Variants in CYB5R4 observed in about 807,000 individuals in gnomAD.
CYB5R4 encodes the protein N-terminal cytochrome b5 and cytochrome b5 oxidoreductase domain-containing protein.
A neutral mutation model predicts 70.2 loss-of-function variants in CYB5R4; 55 were observed. The ratio of observed to expected loss-of-function variants is 0.78; its 90% confidence interval spans 0.63 to 0.98. CYB5R4 has a LOEUF of 0.98. CYB5R4 is among the 50% of genes least tolerant of loss of function. The pLI is 0.00. For synonymous variants in CYB5R4, 197 were observed against 199.5 expected (o/e 0.99, Z 0.11); for missense variants, 562 against 612.6 (o/e 0.92, Z 0.87).
At chr6:83,875,774 A>G (rs1265907020) in intron 2 of CYB5R4, among the ~76,000 whole-genome samples, 1 of 152,200 alleles carries the variant, frequency 6.6e-6, no homozygotes, top group African/African-American at 2.4e-5. Context: ...ACATTTTGCA[A>G]GAATCAATAT....
At chr6:83,922,388 A>C in intron 8 of CYB5R4, 50 bp from the exon 9 acceptor site, 1 of 1,510,264 alleles carries the variant, frequency 6.6e-7, no homozygotes, top group Non-Finnish European at 9.2e-7. Flanking sequence ...GTGTTCAAAA[A>C]CTGTATGAAT....
At chr6:83,934,894 G>T (rs1442289099) in intron 11 of CYB5R4, among the ~76,000 whole-genome samples, 159 bp downstream of exon 11, 1 of 152,200 alleles carries the variant, frequency 6.6e-6, no homozygotes, top group Non-Finnish European at 1.5e-5. Context: ...ACTGCAACGT[G>T]TCCTACATGT....
intron 14 of CYB5R4, among the ~76,000 whole-genome samples, chr6:83,941,183 A>C (rs1463062577): frequency 6.6e-6 from 1 of 152,206 alleles, no homozygotes; most frequent in Non-Finnish European, 1.5e-5. Flanking sequence ...AGTCAAGCTG[A>C]ACTCAGTAGT....
chr6:83,937,436 G>A (rs946162684), intron 12 of CYB5R4, among the ~76,000 whole-genome samples: 1 of 152,142 alleles, frequency 6.6e-6, no homozygotes, highest in Non-Finnish European at 1.5e-5. Flanking sequence ...GAGTTTAAGA[G>A]CAGAAATTGT....
At chr6:83,918,424 ATTAT>A (rs1384436091) in intron 6 of CYB5R4, among the ~76,000 whole-genome samples, 3 of 152,006 alleles carry the variant, frequency 2.0e-5, no homozygotes, top group African/African-American at 7.2e-5. Flanking sequence ...GATGTATACT[ATTAT>A]TTATATTTTC....
intron 14 of CYB5R4, among the ~76,000 whole-genome samples, chr6:83,944,634 G>A (rs1035391037): frequency 6.6e-6 from 1 of 152,136 alleles, no homozygotes; most frequent in African/African-American, 2.4e-5. Flanking sequence ...AAAAGGTACA[G>A]TCTGGCAAAT....
rs373117992 is a variant in CYB5R4, at chr6:83,859,740, C to T, written c.-43C>T. On this transcript the variant is annotated 5_prime_UTR_variant, in exon 1 of 16. Coordinates refer to ENST00000369681, the MANE Select transcript of CYB5R4 (RefSeq NM_016230.4). ...GCCGGAGCTGGAGGTGCTGTCCCGT[C>T]TGGCGGCGATCCCCGGGCAGGGCCC... 4 of 1,603,980 alleles carry T rather than the reference C, an allele frequency of 2.5e-6. No homozygotes were observed. The highest frequency in any genetic ancestry group is 1.7e-5 in the Admixed American group (1 of 59,754).
chr6:83,924,744 C>T, intron 10 of CYB5R4, 152 bp downstream of exon 10: 5 of 771,196 alleles, frequency 6.5e-6, no homozygotes, highest in Non-Finnish European at 1.0e-5. Context: ...TGTGTGTTGT[C>T]CTGCTTTTTT....
intron 2 of CYB5R4, among the ~76,000 whole-genome samples, chr6:83,882,132 C>T (rs1256747679): frequency 2.0e-5 from 3 of 152,106 alleles, no homozygotes. Flanking sequence ...GACTGGTGAA[C>T]AGTCATCTAT....
chr6:83,880,167 A>G (rs1008546016), intron 2 of CYB5R4, among the ~76,000 whole-genome samples: 2 of 152,200 alleles, frequency 1.3e-5, no homozygotes, highest in Non-Finnish European at 2.9e-5. Flanking sequence ...ATTTTAGTAC[A>G]TGTATACATT....
intron 5 of CYB5R4, among the ~76,000 whole-genome samples, chr6:83,915,925 T>C (rs987976192): frequency 6.6e-5 from 10 of 152,184 alleles, no homozygotes; most frequent in African/African-American, 1.7e-4. Flanking sequence ...CCAATACTTA[T>C]GGAAGGGAGA....
Position 83,959,888 on chromosome 6 carries a change from G to A in CYB5R4, c.*10G>A. On this transcript the variant is annotated 3_prime_UTR_variant, in exon 16 of 16. Coordinates refer to ENST00000369681, the MANE Select transcript of CYB5R4 (RefSeq NM_016230.4). ...TAGTTTTACAGCATAATGAAGAGCT[G>A]TCATTGTCCTTTATTCAACTAGTTT... The A allele has an allele frequency of 5.0e-6, 8 of 1,586,904 alleles. No homozygotes were observed. The highest frequency in any genetic ancestry group is 6.9e-6 in the Non-Finnish European group (8 of 1,167,616).
chr6:83,872,998 C>T (rs2099457888), intron 2 of CYB5R4, among the ~76,000 whole-genome samples: 1 of 152,060 alleles, frequency 6.6e-6, no homozygotes, highest in African/African-American at 2.4e-5. Context: ...AGAATGGAGC[C>T]ACTGTTTCAA....
At chr6:83,948,260 AAC>A (rs1211380064) in intron 14 of CYB5R4, among the ~76,000 whole-genome samples, 1 of 152,194 alleles carries the variant, frequency 6.6e-6, no homozygotes, top group Non-Finnish European at 1.5e-5. Context: ...TCAGCAAACT[AAC>A]ACAGAAACAA....
At chr6:83,862,815 C>T (rs1469993336) in intron 1 of CYB5R4, among the ~76,000 whole-genome samples, 1 of 152,104 alleles carries the variant, frequency 6.6e-6, no homozygotes, top group African/African-American at 2.4e-5. Context: ...TGGGAAAGGT[C>T]ATTTTCTCAC....
At chr6:83,914,170 T>G (rs1323445994) in intron 4 of CYB5R4, among the ~76,000 whole-genome samples, 5 of 152,102 alleles carry the variant, frequency 3.3e-5, no homozygotes, top group African/African-American at 1.2e-4. Context: ...GACCAAAGAA[T>G]TAGAAAAAAT....
chr6:83,951,422 C>T (rs1162612933), intron 14 of CYB5R4, among the ~76,000 whole-genome samples: 1 of 152,210 alleles, frequency 6.6e-6, no homozygotes, highest in South Asian at 2.1e-4. Flanking sequence ...TCTCCTAATT[C>T]ATCCCTCCCC....
chr6:83,926,521 G>T (rs928421296), intron 10 of CYB5R4, among the ~76,000 whole-genome samples: 1 of 152,018 alleles, frequency 6.6e-6, no homozygotes, highest in Non-Finnish European at 1.5e-5. Flanking sequence ...TTCCTTCTGT[G>T]TGTCTGTGTC....
chr6:83,927,686 T>A (rs1408755533), intron 10 of CYB5R4, among the ~76,000 whole-genome samples: 1 of 152,226 alleles, frequency 6.6e-6, no homozygotes, highest in Non-Finnish European at 1.5e-5. Context: ...TCCAAACATT[T>A]TCATGTGTTC....
Sources: allele counts gnomAD v4.1 joint callset (sites outside exome capture counted in the v4.1 genomes callset), GRCh38; gene constraint gnomAD v4.1.1; transcripts MANE v1.5; gene names NCBI Gene and HGNC (gene_info 2026-07-23, HGNC 2026-07-21).